Variants in TSGA10 observed in about 807,000 individuals in gnomAD.
TSGA10 encodes the protein testis specific 10, also known as testis-specific gene 10 protein.
TSGA10 carries 43 observed loss-of-function variants against 96.6 expected under a neutral mutation model. The observed-to-expected ratio is 0.44, with a 90% CI of 0.35 to 0.57. TSGA10 has a LOEUF of 0.57. Ranked by LOEUF, TSGA10 falls within the 20% of genes least tolerant of loss-of-function variation. The pLI, the probability that TSGA10 is intolerant of heterozygous loss-of-function variation, is 0.01. For missense variants in TSGA10, 703 were observed against 834.4 expected, an observed-to-expected ratio of 0.84 and a Z score of 1.94; for synonymous variants, 229 against 269.9, an observed-to-expected ratio of 0.85 and a Z score of 1.48.
At chr2:99,094,922 T>C (rs1245319444) in intron 10 of TSGA10, among the ~76,000 whole-genome samples, 1 of 152,064 alleles carries the variant, frequency 6.6e-6, no homozygotes, top group Non-Finnish European at 1.5e-5. Context: ...GGAAAAGAAG[T>C]CATTATACAA....
At chr2:99,133,233 G>A (rs2093178021) in intron 1 of TSGA10, among the ~76,000 whole-genome samples, 1 of 152,110 alleles carries the variant, frequency 6.6e-6, no homozygotes, top group Non-Finnish European at 1.5e-5. Context: ...TCTCTTTGTA[G>A]GTCTCTAAGA....
rs764708550 is a variant in TSGA10 at position 99,105,319 on chromosome 2, T to C, written c.459+40A>G. On this transcript the variant is annotated intron_variant, in intron 9 of 20. Transcript: ENST00000393483. ...GGAGAAAGGGGAAAGCCATTGAGTG[T>C]TTATAGCCAAAAGAGACTTTTCTTT... The C allele has an allele frequency of 6.5e-6, 10 of 1,542,610 alleles. 1 individual carries two copies. The South Asian group carries it at 9.6e-5, about 15-fold the overall frequency.
At chr2:99,020,910 A>AATCTCTT (rs2079946043) in intron 17 of TSGA10, among the ~76,000 whole-genome samples, 2 of 150,492 alleles carry the variant, frequency 1.3e-5, no homozygotes, top group Admixed American at 1.3e-4. Flanking sequence ...TATAAAGAGT[A>AATCTCTT]ATCTCTTATA....
At chr2:99,001,317 C>T (rs1246659729) in intron 20 of TSGA10, among the ~76,000 whole-genome samples, 5 of 152,284 alleles carry the variant, frequency 3.3e-5, no homozygotes, top group Middle Eastern at 3.4e-3. Flanking sequence ...CTGCAGCCTC[C>T]GCTGGTGATA....
rs1200778932 is a variant in TSGA10, at chr2:99,018,636, T to C, written c.1822A>G (p.Ile608Val). The C allele has an allele frequency of 2.5e-6, 4 of 1,610,074 alleles. No individual in the cohort carries two copies. The South Asian group carries it at 4.4e-5, about 18-fold the overall frequency. The change falls in exon 19 of 21, where the codon ATC becomes GTC. Residue 608 changes from isoleucine (I) to valine (V), a missense_variant. By Grantham distance (29) the Ile-to-Val change is conservative. Coordinates refer to ENST00000393483, the MANE Select transcript of TSGA10 (RefSeq NM_025244.4). ...HLCLAENKMA[I>V]QSRDVAQFRN... ...AACTGGGCCACATCTCTACTCTGGATGGCCCTGTTTAAAAGAAGATAAGAG... is the reference window on the plus strand; with the variant it reads ...AACTGGGCCACATCTCTACTCTGGACGGCCCTGTTTAAAAGAAGATAAGAG...
chr2:99,030,995 T>A (rs1035114290), intron 17 of TSGA10, among the ~76,000 whole-genome samples: 2 of 151,744 alleles, frequency 1.3e-5, no homozygotes, highest in South Asian at 2.1e-4. Context: ...AAGATTATTC[T>A]AAAATTTATG....
At chr2:99,126,934 C>T in intron 2 of TSGA10, 114 bp downstream of exon 2, 1 of 968,276 alleles carries the variant, frequency 1.0e-6, no homozygotes, top group South Asian at 1.7e-5. Context: ...GATTTTAGAC[C>T]CATAACATTT....
chr2:99,103,068 T>C (rs1362703417), intron 10 of TSGA10, among the ~76,000 whole-genome samples: 3 of 144,784 alleles, frequency 2.1e-5, no homozygotes, highest in Middle Eastern at 3.4e-3. Flanking sequence ...AATTAAATAA[T>C]TGGTTTTATG....
chr2:99,105,449 C>T lies in TSGA10; in HGVS notation c.382-13G>A. On this transcript the variant is annotated splice_polypyrimidine_tract_variant and intron_variant, in intron 8 of 20. Coordinates refer to ENST00000393483, the MANE Select transcript of TSGA10 (RefSeq NM_025244.4). Reference sequence around the variant, plus strand: ...TCTCTTGAGCAATCTGATTAAAAAGCAAAAACAAAATAAAGTGATTTCAAT... The same window carrying T: ...TCTCTTGAGCAATCTGATTAAAAAGTAAAAACAAAATAAAGTGATTTCAAT... 1 of 1,612,926 alleles carries T rather than the reference C, an allele frequency of 6.2e-7. No individual in the cohort carries two copies. The highest frequency in any genetic ancestry group is 8.5e-7 in the Non-Finnish European group (1 of 1,179,784).
Position 99,081,394 on chromosome 2 carries a change from A to T in TSGA10, c.615T>A (p.Leu205=). ...GATCTTTTTCTGTGTTTTCATACAA[A>T]AGTCTGCAAATATTTTAATAATAAA... ...RQKAENNSLR[L]LYENTEKDLS... The change falls in exon 11 of 21, where the codon CTT becomes CTA. Residue 205 remains leucine, a synonymous_variant. Coordinates refer to ENST00000393483, the MANE Select transcript of TSGA10 (RefSeq NM_025244.4). 6.5e-7 allele frequency: 1 copy of T among 1,538,034 alleles called. No individual in the cohort carries two copies. The highest frequency in any genetic ancestry group is 1.3e-5 in the South Asian group (1 of 78,122).
chr2:99,001,073 A>G (rs1218532114), intron 20 of TSGA10, among the ~76,000 whole-genome samples: 2 of 152,184 alleles, frequency 1.3e-5, no homozygotes, highest in African/African-American at 4.8e-5. Context: ...GGCAGCAGAA[A>G]CTTCTGCAGA....
chr2:99,104,568 G>A (rs1334041712), intron 9 of TSGA10, among the ~76,000 whole-genome samples: 5 of 151,472 alleles, frequency 3.3e-5, no homozygotes, highest in African/African-American at 7.3e-5. Flanking sequence ...TCCACCTCCC[G>A]GGTGCAAGCA....
chr2:99,088,690 T>C (rs1319042228), intron 10 of TSGA10, among the ~76,000 whole-genome samples: 1 of 152,218 alleles, frequency 6.6e-6, no homozygotes, highest in Non-Finnish European at 1.5e-5. Context: ...CTCTTATTTA[T>C]TCAAGAGAAT....
chr2:99,126,625 A>G (rs1379468209), intron 2 of TSGA10: 2 of 155,380 alleles, frequency 1.3e-5, no homozygotes, highest in African/African-American at 4.8e-5. Context: ...GTCAAGCATC[A>G]GGAGAACAGG....
intron 20 of TSGA10, among the ~76,000 whole-genome samples, chr2:99,007,115 G>A (rs2078560034): frequency 6.6e-6 from 1 of 151,958 alleles, no homozygotes; most frequent in African/African-American, 2.4e-5. Context: ...ACACAGGAAG[G>A]GGAGCATCAT....
intron 10 of TSGA10, among the ~76,000 whole-genome samples, chr2:99,082,902 A>C (rs1181513505): frequency 3.9e-5 from 6 of 152,162 alleles, no homozygotes; most frequent in Non-Finnish European, 5.9e-5. Context: ...GAACTTCACA[A>C]AATTAAACTA....
chr2:99,032,321 T>G (rs1205380511), intron 17 of TSGA10, among the ~76,000 whole-genome samples: 1 of 152,092 alleles, frequency 6.6e-6, no homozygotes, highest in Non-Finnish European at 1.5e-5. Context: ...GACCCAATGA[T>G]GAGACAGCAG....
intron 20 of TSGA10, among the ~76,000 whole-genome samples, chr2:99,006,072 G>C (rs1213900996): frequency 2.6e-5 from 4 of 152,118 alleles, no homozygotes; most frequent in Admixed American, 1.3e-4. Flanking sequence ...AATGATGCTG[G>C]GAAAACTGGC....
intron 10 of TSGA10, among the ~76,000 whole-genome samples, chr2:99,100,841 C>T (rs1207421817): frequency 1.9e-5 from 2 of 106,920 alleles, no homozygotes; most frequent in Non-Finnish European, 4.1e-5. Context: ...AAAAAAAATA[C>T]ACTCCTGGTA....
Sources: allele counts gnomAD v4.1 joint callset (sites outside exome capture counted in the v4.1 genomes callset), GRCh38; gene constraint gnomAD v4.1.1; transcripts MANE v1.5; gene names NCBI Gene and HGNC (gene_info 2026-07-23, HGNC 2026-07-21).